Variants in MDGA1 observed in about 807,000 individuals in gnomAD.
MDGA1 encodes the protein MAM domain-containing glycosylphosphatidylinositol anchor protein 1.
Under a neutral mutation model 101.5 loss-of-function variants are expected in MDGA1, and 54 were observed. The ratio of observed to expected loss-of-function variants is 0.53; its 90% confidence interval spans 0.43 to 0.67. MDGA1 has a LOEUF of 0.67. Ranked by LOEUF, MDGA1 falls within the 30% of genes least tolerant of loss-of-function variation. The pLI is 0.00. For missense variants in MDGA1, 1,083 were observed against 1,323.8 expected, an observed-to-expected ratio of 0.82 and a Z score of 2.82; for synonymous variants, 533 against 558.3, an observed-to-expected ratio of 0.95 and a Z score of 0.64.
chr6:37,690,620 T>C (rs923723351), intron 1 of MDGA1, among the ~76,000 whole-genome samples: 6 of 151,952 alleles, frequency 3.9e-5, no homozygotes, highest in African/African-American at 1.2e-4. Context: ...CTACTAAAAA[T>C]ATAAAAATTA....
rs948121679 is a variant in MDGA1 at position 37,632,154 on chromosome 6, C to G, written c.*5214G>C. On this transcript the variant is annotated 3_prime_UTR_variant, in exon 17 of 17. Coordinates refer to ENST00000434837, the MANE Select transcript of MDGA1 (RefSeq NM_153487.4). ...GAGAAGTCTTCCCCGAAGCCCCAAC[C>G]CAAATAAGAACCCTCTTCATACCTT... is the stretch of plus-strand genomic sequence containing the variant. 4.6e-5 allele frequency: 7 copies of G among 152,322 alleles called. No homozygotes were observed. Among genetic ancestry groups the G allele is most frequent in the African/African-American group, 1.4e-4 (6 of 41,556 alleles). The allele number at this position is 152,322 out of a possible 1,614,324, so 9.4% of individuals were successfully genotyped here.
chr6:37,652,375 T>C lies in MDGA1; in HGVS notation c.983-35A>G, dbSNP rs1159391613. 6.5e-7 allele frequency: 1 copy of C among 1,527,662 alleles called. No individual in the cohort carries two copies. Among genetic ancestry groups the C allele is most frequent in the Non-Finnish European group, 8.9e-7 (1 of 1,126,894 alleles). 94.6% of individuals were successfully genotyped at this position (1,527,662 alleles called of 1,614,324 possible). On this transcript the variant is annotated intron_variant, in intron 6 of 16. Coordinates refer to ENST00000434837, the MANE Select transcript of MDGA1 (RefSeq NM_153487.4). The surrounding 1 kb of genome is among the most constrained non-coding windows in gnomAD (Gnocchi z 4.3). Reference sequence around the variant, plus strand: ...GATGGGGAGGGAAGGGTAGTTGGGGTTGGCCTGACTCCAGGGGTCCATGTC... The same window carrying C: ...GATGGGGAGGGAAGGGTAGTTGGGGCTGGCCTGACTCCAGGGGTCCATGTC...
rs1761179232 is a variant in MDGA1 at position 37,645,799 on chromosome 6, T to C, written c.2248+134A>G. 4 of 1,059,708 alleles carry C rather than the reference T, an allele frequency of 3.8e-6. No individual in the cohort carries two copies. The East Asian group carries it at 7.7e-5, about 20-fold the overall frequency. 65.6% of individuals were successfully genotyped at this position (1,059,708 alleles called of 1,614,324 possible). A position where few individuals can be genotyped will look rare whatever the true frequency, so the allele number is the denominator to read the frequency against. On this transcript the variant is annotated intron_variant, in intron 12 of 16. Coordinates refer to ENST00000434837, the MANE Select transcript of MDGA1 (RefSeq NM_153487.4). Reference sequence around the variant, plus strand: ...TGCTTCTCCTTCTAGCCTCTGGCCCTACCCCATGGAAACACAGGGGGAATT... The same window carrying C: ...TGCTTCTCCTTCTAGCCTCTGGCCCCACCCCATGGAAACACAGGGGGAATT...
At position 37,638,444 on chromosome 6, in the gene MDGA1, G is replaced by GC; in HGVS notation, c.2667+92dup. On this transcript the variant is annotated intron_variant, in intron 15 of 16. Transcript: ENST00000434837. The surrounding 1 kb of genome is among the most constrained non-coding windows in gnomAD (Gnocchi z 4.8). ...CCTAACCTGACTCTTTCCATCCTTA[G>GC]CCCCCAGGAAGAAGGACAAGGTTTT... 6.4e-7 allele frequency: 1 copy of GC among 1,573,190 alleles called. No individual in the cohort carries two copies. The highest frequency in any genetic ancestry group is 8.7e-7 in the Non-Finnish European group (1 of 1,152,852).
At position 37,647,318 on chromosome 6, in the gene MDGA1, G is replaced by C; in HGVS notation, c.1901C>G (p.Ala634Gly). ...AACLFQVSAK[A>G]YSPEFYFDTP... The stretch of plus-strand genomic sequence containing the variant: ...GTCGAAGTAAAACTCCGGGCTGTAG[G>C]CTTTGGCTAAGAGGGCGGGGAGGGG... The change falls in exon 10 of 17, where the codon GCC becomes GGC. Residue 634 changes from alanine (A) to glycine (G), a missense_variant. This residue lies in a region of MDGA1 where 657 missense variants were observed against 771.4 expected (regional missense o/e 0.85). Coordinates refer to ENST00000434837, the MANE Select transcript of MDGA1 (RefSeq NM_153487.4). 6.5e-7 allele frequency: 1 copy of C among 1,545,704 alleles called. No homozygotes were observed. Among genetic ancestry groups the C allele is most frequent in the Non-Finnish European group, 8.7e-7 (1 of 1,143,656 alleles).
chr6:37,659,210 C>G (rs938111801), intron 2 of MDGA1, among the ~76,000 whole-genome samples: 3 of 152,180 alleles, frequency 2.0e-5, no homozygotes, highest in African/African-American at 7.2e-5. Context: ...CCACAGCCAG[C>G]CAGCTAAGCT....
rs149336033 is a variant in MDGA1, at chr6:37,645,458, C to A, written c.2248+475G>T. On this transcript the variant is annotated intron_variant, in intron 12 of 16. Coordinates refer to ENST00000434837, the MANE Select transcript of MDGA1 (RefSeq NM_153487.4). The stretch of plus-strand genomic sequence containing the variant: ...CTGAGGCAGGAGAATCACTTGAACC[C>A]GGGAGGCGCAGAGGTTGCAGTGAGC... Among the ~76,000 whole-genome samples the A allele has an allele frequency of 2.4e-4, 37 of 152,196 alleles. No individual in the cohort carries two copies. The East Asian group carries it at 6.9e-3, about 29-fold the overall frequency.
rs1763854378 is a variant in MDGA1, at chr6:37,633,000, C to G, written c.*4368G>C. 6.6e-6 allele frequency: 1 copy of G among 152,330 alleles called. No individual in the cohort carries two copies. Among genetic ancestry groups the G allele is most frequent in the Non-Finnish European group, 1.5e-5 (1 of 68,102 alleles). 9.4% of individuals were successfully genotyped at this position (152,330 alleles called of 1,614,324 possible). A position where few individuals can be genotyped will look rare whatever the true frequency, so the allele number is the denominator to read the frequency against. Reference sequence around the variant, plus strand: ...GGAGGGGGCCAGGAAGGAGGGCAGTCCTATCCTAGGAGGGTCCCTGGGAAA... The same window carrying G: ...GGAGGGGGCCAGGAAGGAGGGCAGTGCTATCCTAGGAGGGTCCCTGGGAAA... On this transcript the variant is annotated 3_prime_UTR_variant, in exon 17 of 17. Transcript: ENST00000434837.
intron 7 of MDGA1, 25 bp downstream of exon 7, chr6:37,651,986 C>A: frequency 6.5e-7 from 1 of 1,530,156 alleles, no homozygotes; most frequent in African/African-American, 1.4e-5. Flanking sequence ...CCTCACATTT[C>A]CGCAGTGCCC....
At chr6:37,644,948 C>T (rs1427105724) in intron 12 of MDGA1, among the ~76,000 whole-genome samples, 1 of 152,124 alleles carries the variant, frequency 6.6e-6, no homozygotes, top group African/African-American at 2.4e-5. Context: ...TCAATTATAT[C>T]GAAATACAGT....
intron 2 of MDGA1, among the ~76,000 whole-genome samples, chr6:37,661,835 A>G (rs1219765471): frequency 1.3e-5 from 2 of 152,142 alleles, no homozygotes; most frequent in South Asian, 4.1e-4. Flanking sequence ...AACAGGGGTT[A>G]TCATTCTGGT....
chr6:37,641,978 T>C (rs911576267), intron 14 of MDGA1: 4 of 152,138 alleles, frequency 2.6e-5, no homozygotes, highest in African/African-American at 7.2e-5. Flanking sequence ...TGAGCCTTTA[T>C]ATCTACATTT....
Position 37,638,041 on chromosome 6 carries a change from T to G in MDGA1, c.2776+164A>C, listed in dbSNP as rs929993022. On this transcript the variant is annotated intron_variant, in intron 16 of 16. Transcript: ENST00000434837. This position sits in a 1 kb window ranked among gnomAD's most constrained non-coding sequence, Gnocchi z 4.8. ...TGTTTACACAAGTACACAGCCTGAG[T>G]GAGTGTGGGGCACACCTTCACACAG... is the stretch of plus-strand genomic sequence containing the variant. 1.5e-5 allele frequency: 10 copies of G among 653,906 alleles called. No homozygotes were observed. The highest frequency in any genetic ancestry group is 2.8e-5 in the Non-Finnish European group (10 of 355,174). The allele number at this position is 653,906 out of a possible 1,614,324, so 40.5% of individuals were successfully genotyped here.
intron 1 of MDGA1, among the ~76,000 whole-genome samples, chr6:37,689,113 TTCC>T (rs975087619): frequency 5.9e-5 from 9 of 151,918 alleles, no homozygotes; most frequent in Non-Finnish European, 1.5e-5. Flanking sequence ...CCCTTTCTCA[TTCC>T]TCCTCCTCCT....
At position 37,644,642 on chromosome 6, in the gene MDGA1, G is replaced by C. The variant is rs1764182197; in HGVS notation, c.2256C>G (p.Thr752=). ...AGATCTTCTCATCCTCAAAGTGGCA[G>C]GTGTTGTCTGCATTTTATGGGGCGA... The part of the protein sequence containing the change: ...PINSPNLSDN[T]CHFEDEKICG... Residue 752 remains threonine, a synonymous_variant, in exon 13 of 17, where the codon ACC becomes ACG. Coordinates refer to ENST00000434837, the MANE Select transcript of MDGA1 (RefSeq NM_153487.4). 7 of 1,581,096 alleles carry C rather than the reference G, an allele frequency of 4.4e-6. No individual in the cohort carries two copies. The highest frequency in any genetic ancestry group is 6.0e-6 in the Non-Finnish European group (7 of 1,163,814).
intron 1 of MDGA1, among the ~76,000 whole-genome samples, chr6:37,673,942 T>C (rs190350900): frequency 6.6e-6 from 1 of 152,170 alleles, no homozygotes; most frequent in African/African-American, 2.4e-5. Flanking sequence ...TCGCTCCCTG[T>C]CCTCCCAGTC....
In MDGA1 at chr6:37,638,685, A is replaced by G. The variant is rs1763993821; in HGVS notation, c.2537-18T>C. On this transcript the variant is annotated intron_variant, in intron 14 of 16. Transcript: ENST00000434837. This position sits in a 1 kb window ranked among gnomAD's most constrained non-coding sequence, Gnocchi z 4.8. ...GAGGGAGCCTGCGGTGGGTGTGAAG[A>G]CAGTGGGCAGTGAGATCTGGCCAGG... 6.2e-7 allele frequency: 1 copy of G among 1,606,732 alleles called. No homozygotes were observed. Among genetic ancestry groups the G allele is most frequent in the Admixed American group, 1.7e-5 (1 of 58,468 alleles).
intron 1 of MDGA1, among the ~76,000 whole-genome samples, chr6:37,693,180 G>A (rs1468982150): frequency 6.6e-6 from 1 of 152,186 alleles, no homozygotes; most frequent in African/African-American, 2.4e-5. Flanking sequence ...CCAAGCCTCT[G>A]TTAGCCCCAG....
At chr6:37,642,853 A>C (rs976824152) in intron 14 of MDGA1, among the ~76,000 whole-genome samples, 2 of 152,116 alleles carry the variant, frequency 1.3e-5, no homozygotes, top group African/African-American at 4.8e-5. Context: ...GAACTCGTCC[A>C]CCTCGTTCAC....
Sources: gnomAD v4.1 joint callset for allele counts (sites outside exome capture counted in the v4.1 genomes callset) on GRCh38, gnomAD v4.1.1 for gene constraint, gnomAD v4.1.1 regional missense constraint, Gnocchi (gnomAD v3.1) non-coding constraint, MANE v1.5 for transcripts, NCBI Gene and HGNC (gene_info 2026-07-23, HGNC 2026-07-21) for gene names.